The following GCA variants were observed in gnomAD, a reference collection of about 807,000 sequenced individuals.
GCA encodes the protein grancalcin, EF-hand calcium-binding protein.
In GCA, 30 loss-of-function variants were observed where a neutral mutation model predicts 32.6. The observed-to-expected ratio is 0.92, with a 90% confidence interval of 0.69 to 1.25. The LOEUF is 1.25. Ranked by LOEUF, GCA falls within the 50% of genes most tolerant of loss-of-function variation. The probability of loss-of-function intolerance (pLI) is 0.00; values close to 1 mark genes in which losing one functional copy is unlikely to be tolerated. For missense variants in GCA, 291 were observed against 266.8 expected (o/e 1.09, Z -0.63); for synonymous variants, 102 against 84.6 (o/e 1.21, Z -1.13).
chr2:162,333,614 TGA>T (rs1270140239), intron 1 of GCA, among the ~76,000 whole-genome samples: 1 of 152,156 alleles, frequency 6.6e-6, no homozygotes, highest in Non-Finnish European at 1.5e-5. Context: ...TCATACTATG[TGA>T]GAGATTTTTA....
In GCA at chr2:162,362,257, C is replaced by T; in HGVS notation, c.*2014C>T. The T allele has an allele frequency of 1.0e-6, 1 of 984,516 alleles. No homozygotes were observed. The highest frequency in any genetic ancestry group is 1.2e-6 in the Non-Finnish European group (1 of 829,422). The allele number at this position is 984,516 out of a possible 1,614,324, so 61.0% of individuals were successfully genotyped here. On this transcript the variant is annotated 3_prime_UTR_variant, in exon 8 of 8. Transcript: ENST00000437150. ...TTCCAAACTTTTTGACCACAGAACC[C>T]CTTTCTCTAGCAAAACCTAACATTC...
chr2:162,339,361 G>C (rs1426244420), upstream of GCA, among the ~76,000 whole-genome samples: 2 of 151,964 alleles, frequency 1.3e-5, no homozygotes, highest in African/African-American at 4.8e-5. Context: ...GATCAATTAA[G>C]GAAATCTATG....
chr2:162,371,060 G>A (rs1234929696), intron 4 of GCA, among the ~76,000 whole-genome samples: 1 of 152,088 alleles, frequency 6.6e-6, no homozygotes, highest in African/African-American at 2.4e-5. Context: ...CAGTTTAGCA[G>A]TACTTAAGGA....
chr2:162,334,710 C>G (rs1018204537), intron 1 of GCA, among the ~76,000 whole-genome samples: 3 of 152,166 alleles, frequency 2.0e-5, no homozygotes, highest in African/African-American at 7.2e-5. Flanking sequence ...TTCACAAGGA[C>G]AGGCAACATG....
intron 5 of GCA, 59 bp downstream of exon 5, chr2:162,356,964 G>T: frequency 1.7e-6 from 2 of 1,162,864 alleles, no homozygotes; most frequent in Admixed American, 2.2e-5. Context: ...TTGATTAGAT[G>T]AACTTAATTG....
chr2:162,354,966 C>G (rs1166472219), intron 3 of GCA, among the ~76,000 whole-genome samples: 1 of 152,168 alleles, frequency 6.6e-6, no homozygotes, highest in Non-Finnish European at 1.5e-5. Flanking sequence ...TGCTCATTTG[C>G]TGATTCAGTT....
chr2:162,352,472 C>T (rs1685053358), intron 3 of GCA, 65 bp downstream of exon 3: 1 of 985,672 alleles, frequency 1.0e-6, no homozygotes, highest in African/African-American at 1.6e-5. Context: ...CTTTTTTTGT[C>T]CCTGTAATTA....
In GCA at chr2:162,360,847, T is replaced by C; in HGVS notation, c.*604T>C. 1.7e-6 allele frequency: 2 copies of C among 1,167,560 alleles called. No individual in the cohort carries two copies. The allele number at this position is 1,167,560 out of a possible 1,614,324, so 72.3% of individuals were successfully genotyped here. A position where few individuals can be genotyped will look rare whatever the true frequency, so the allele number is the denominator to read the frequency against. ...ACAGAAGGCATTGTTTTTTCCTTTT[T>C]TATTTTTTGTATTATATATTTTTCT... On this transcript the variant is annotated 3_prime_UTR_variant, in exon 8 of 8. Transcript: ENST00000437150.
Position 162,360,549 on chromosome 2 carries a change from T to G in GCA, c.*306T>G. 5 of 1,063,922 alleles carry G rather than the reference T, an allele frequency of 4.7e-6. No homozygotes were observed. The highest frequency in any genetic ancestry group is 6.1e-6 in the Non-Finnish European group (5 of 825,552). The allele number at this position is 1,063,922 out of a possible 1,614,324, so 65.9% of individuals were successfully genotyped here. A position where few individuals can be genotyped will look rare whatever the true frequency, so the allele number is the denominator to read the frequency against. ...TTTAGATAATGTAAATTTAGAGGAA[T>G]GTACTTTACAAGATAGATTGTATAA... On this transcript the variant is annotated 3_prime_UTR_variant, in exon 8 of 8. Transcript: ENST00000437150.
intron 1 of GCA, among the ~76,000 whole-genome samples, chr2:162,329,455 T>G (rs77640065): frequency 5.7e-4 from 87 of 152,186 alleles, no homozygotes; most frequent in South Asian, 1.9e-3. Flanking sequence ...ACTACAAATT[T>G]TTTTATTATC....
intron 4 of GCA, among the ~76,000 whole-genome samples, chr2:162,368,708 G>C (rs1685833081): frequency 6.6e-6 from 1 of 151,894 alleles, no homozygotes; most frequent in Non-Finnish European, 1.5e-5. Flanking sequence ...CATACTTCCT[G>C]ACTAGAAGAG....
chr2:162,321,468 T>C (rs564096502), intron 1 of GCA, among the ~76,000 whole-genome samples: 1 of 152,336 alleles, frequency 6.6e-6, no homozygotes, highest in East Asian at 1.9e-4. Flanking sequence ...AATTTTAGTT[T>C]AGTGAGAAAC....
chr2:162,340,588 C>T (rs1684411098), upstream of GCA, among the ~76,000 whole-genome samples: 1 of 152,146 alleles, frequency 6.6e-6, no homozygotes, highest in Admixed American at 6.6e-5. Context: ...TCATGTCCCA[C>T]TTAGATTTCA....
intron 1 of GCA, among the ~76,000 whole-genome samples, chr2:162,331,382 A>C (rs1329942327): frequency 1.3e-5 from 2 of 150,362 alleles, no homozygotes; most frequent in African/African-American, 2.5e-5. Context: ...TATGAAACCC[A>C]TGAATAGTGA....
At chr2:162,337,185 A>G (rs1576269707) in intron 1 of GCA, among the ~76,000 whole-genome samples, 1 of 152,186 alleles carries the variant, frequency 6.6e-6, no homozygotes, top group African/African-American at 2.4e-5. Context: ...GATTCAGCCA[A>G]TGGAAGCAAT....
In GCA at chr2:162,352,310, A is replaced by G. The variant is rs768774583; in HGVS notation, c.193-28A>G. The G allele has an allele frequency of 2.2e-6, 3 of 1,354,048 alleles. No individual in the cohort carries two copies. The East Asian group carries it at 6.9e-5, about 31-fold the overall frequency. The allele number at this position is 1,354,048 out of a possible 1,614,324, so 83.9% of individuals were successfully genotyped here. ...ATATGCTTTTATACAACTGCACATT[A>G]AATTAGGTCATAATTATTTTTAAAC... is the stretch of plus-strand genomic sequence containing the variant. On this transcript the variant is annotated intron_variant, in intron 2 of 7. Transcript: ENST00000437150.
upstream of GCA, chr2:162,318,821 A>T (rs964172239): frequency 1.3e-4 from 23 of 178,656 alleles, no homozygotes; most frequent in Middle Eastern, 2.8e-3. Flanking sequence ...GGTTAAGGAC[A>T]CCGCGGGAAA....
intron 1 of GCA, among the ~76,000 whole-genome samples, chr2:162,333,901 C>T (rs891078779): frequency 6.6e-6 from 1 of 152,172 alleles, no homozygotes. Flanking sequence ...CTAGAGATAG[C>T]CTGAAACTTA....
chr2:162,319,500 T>G (rs757065416), intron 1 of GCA: 2 of 214,686 alleles, frequency 9.3e-6, no homozygotes, highest in Non-Finnish European at 2.0e-5. Flanking sequence ...TTTTCTTGGA[T>G]TCAATACAGC....
Sources: allele counts gnomAD v4.1 joint callset (sites outside exome capture counted in the v4.1 genomes callset), GRCh38; gene constraint gnomAD v4.1.1; transcripts MANE v1.5; gene names NCBI Gene and HGNC (gene_info 2026-07-23, HGNC 2026-07-21).